Variants in PLEKHD1 observed in about 807,000 individuals in gnomAD.
The protein encoded by PLEKHD1 is pleckstrin homology and coiled-coil domain containing D1, also known as pleckstrin homology domain-containing family D member 1.
In PLEKHD1, 51 loss-of-function variants were observed where a neutral mutation model predicts 69.2. The observed-to-expected ratio is 0.74, with a 90% CI of 0.59 to 0.93. The LOEUF (loss-of-function observed/expected upper bound fraction) is 0.93, where lower values mean the gene tolerates loss of function less well. Ranked by LOEUF, PLEKHD1 falls within the 40% of genes least tolerant of loss-of-function variation. The pLI is 0.00. For missense variants in PLEKHD1, 584 were observed against 641.0 expected (o/e 0.91, Z 0.96); for synonymous variants, 236 against 244.7 (o/e 0.96, Z 0.33).
intron 1 of PLEKHD1, among the ~76,000 whole-genome samples, chr14:69,487,376 T>C (rs1882677820): frequency 6.6e-6 from 1 of 152,202 alleles, no homozygotes; most frequent in African/African-American, 2.4e-5. Context: ...GCTCAGCTAA[T>C]TAGCAGCCAC....
the PLEKHD1 span, among the ~76,000 whole-genome samples, chr14:69,479,247 T>C: frequency 0.48 from 72,331 of 151,578 alleles, 17,452 homozygotes; most frequent in Middle Eastern, 0.59. Flanking sequence ...TACCTCCCAC[T>C]AGTACTCTCC....
intron 6 of PLEKHD1, among the ~76,000 whole-genome samples, chr14:69,519,107 G>C (rs1324498906): frequency 6.6e-6 from 1 of 152,068 alleles, no homozygotes; most frequent in Non-Finnish European, 1.5e-5. Context: ...TGAGATTTTG[G>C]AGGGGAATTT....
At chr14:69,517,567 A>G (rs1883412986) in intron 6 of PLEKHD1, among the ~76,000 whole-genome samples, 1 of 152,094 alleles carries the variant, frequency 6.6e-6, no homozygotes, top group Admixed American at 6.5e-5. Context: ...ACTCCATGGT[A>G]GGGCTGTTGG....
intron 6 of PLEKHD1, among the ~76,000 whole-genome samples, chr14:69,514,264 T>C (rs906876641): frequency 7.2e-5 from 11 of 151,938 alleles, no homozygotes; most frequent in African/African-American, 2.2e-4. Context: ...TTTTTTTTTT[T>C]CAGCCTTTTT....
At chr14:69,517,582 A>ATT (rs1883413382) in intron 6 of PLEKHD1, among the ~76,000 whole-genome samples, 1 of 151,956 alleles carries the variant, frequency 6.6e-6, no homozygotes, top group African/African-American at 2.4e-5. Flanking sequence ...TGTTGGGAGG[A>ATT]TTGCATACAA....
intron 1 of PLEKHD1, among the ~76,000 whole-genome samples, chr14:69,499,628 G>C (rs1302663492): frequency 1.3e-5 from 2 of 152,256 alleles, no homozygotes; most frequent in African/African-American, 4.8e-5. Flanking sequence ...GGAGCAGCCT[G>C]AGACAAACGG....
At chr14:69,491,704 G>A (rs1193778339) in intron 1 of PLEKHD1, among the ~76,000 whole-genome samples, 2 of 152,178 alleles carry the variant, frequency 1.3e-5, no homozygotes, top group African/African-American at 2.4e-5. Context: ...TCATGAGGCA[G>A]TGGTGACCAT....
intron 8 of PLEKHD1, among the ~76,000 whole-genome samples, chr14:69,524,827 T>C (rs1436049133): frequency 6.6e-6 from 1 of 152,110 alleles, no homozygotes; most frequent in Non-Finnish European, 1.5e-5. Flanking sequence ...AAGTGAAAAC[T>C]CTGGCCCTGG....
intron 1 of PLEKHD1, among the ~76,000 whole-genome samples, chr14:69,485,525 C>A (rs1882637314): frequency 6.6e-6 from 1 of 152,006 alleles, no homozygotes; most frequent in Non-Finnish European, 1.5e-5. Flanking sequence ...CTGACCCAGG[C>A]CGCGAGGACC....
At chr14:69,485,158 C>G (rs1161945211) in intron 1 of PLEKHD1, 44 bp downstream of exon 1, 2 of 1,531,894 alleles carry the variant, frequency 1.3e-6, no homozygotes, top group African/African-American at 2.8e-5. Flanking sequence ...GGGGAGAGAG[C>G]CTGGGCGTCG....
At chr14:69,522,965 A>T (rs1883554276) in intron 7 of PLEKHD1, among the ~76,000 whole-genome samples, 1 of 151,774 alleles carries the variant, frequency 6.6e-6, no homozygotes, top group African/African-American at 2.4e-5. Flanking sequence ...ACAGAGTCTC[A>T]CTCTGTCACC....
At chr14:69,501,180 T>C (rs1388146457) in intron 4 of PLEKHD1, 2 of 576,866 alleles carry the variant, frequency 3.5e-6, no homozygotes, top group African/African-American at 3.7e-5. Context: ...GTACCATTTG[T>C]CTCCAACTCT....
chr14:69,478,888 G>C, the PLEKHD1 span, among the ~76,000 whole-genome samples: 1 of 152,124 alleles, frequency 6.6e-6, no homozygotes, highest in Admixed American at 6.5e-5. Flanking sequence ...CACATTTTTG[G>C]GTAACTTTTC....
At chr14:69,491,922 C>T (rs541233222) in intron 1 of PLEKHD1, among the ~76,000 whole-genome samples, 2 of 152,170 alleles carry the variant, frequency 1.3e-5, no homozygotes, top group Admixed American at 1.3e-4. Context: ...TTTCGATGAG[C>T]CTTGCTGATT....
In PLEKHD1 at chr14:69,506,891, CTTTTTTTTTTT is replaced by C. The variant is rs1162412450; in HGVS notation, c.555+4030_555+4040del. Among the ~76,000 whole-genome samples, 177 of 78,076 alleles carry C rather than the reference CTTTTTTTTTTT, an allele frequency of 2.3e-3. 4 individuals are homozygous for C. Among genetic ancestry groups the C allele is most frequent in the African/African-American group, 9.3e-3 (163 of 17,446 alleles). The allele number at this position is 78,076 out of a possible 152,430, so 51.2% of individuals were successfully genotyped here. A position where few individuals can be genotyped will look rare whatever the true frequency, so the allele number is the denominator to read the frequency against. On this transcript the variant is annotated intron_variant, in intron 6 of 12. Transcript: ENST00000322564. The stretch of plus-strand genomic sequence containing the variant: ...ACTGTCCTAAAAATCCTGGCAACTG[CTTTTTTTTTTT>C]TTTTTTTTTTTTTTTTTAAAGACGG...
intron 12 of PLEKHD1, 27 bp downstream of exon 12, chr14:69,527,959 G>A (rs1460635802): frequency 6.4e-7 from 1 of 1,550,914 alleles, no homozygotes; most frequent in Non-Finnish European, 8.7e-7. Context: ...GCGTGCCCTG[G>A]TGGGATGGTG....
chr14:69,506,794 A>G (rs1454783879), intron 6 of PLEKHD1, among the ~76,000 whole-genome samples: 2 of 151,822 alleles, frequency 1.3e-5, no homozygotes, highest in African/African-American at 4.8e-5. Context: ...ATTTTGGCAA[A>G]CGTATAACAA....
At chr14:69,475,779 T>C in the PLEKHD1 span, among the ~76,000 whole-genome samples, 1 of 152,142 alleles carries the variant, frequency 6.6e-6, no homozygotes, top group Non-Finnish European at 1.5e-5. Context: ...TCCCCCATAG[T>C]CCTTTGGCCT....
intron 1 of PLEKHD1, among the ~76,000 whole-genome samples, chr14:69,492,112 T>C (rs1230252853): frequency 6.6e-6 from 1 of 152,162 alleles, no homozygotes; most frequent in African/African-American, 2.4e-5. Flanking sequence ...GTCCCTGCTC[T>C]CTGACCTTAA....
Sources: gnomAD v4.1 joint callset for allele counts (sites outside exome capture counted in the v4.1 genomes callset) on GRCh38, gnomAD v4.1.1 for gene constraint, MANE v1.5 for transcripts, NCBI Gene and HGNC (gene_info 2026-07-23, HGNC 2026-07-21) for gene names.